Variants in SLC67A1 observed in about 807,000 individuals in gnomAD.
The protein encoded by SLC67A1 is solute carrier family 67 member 1.
chr11:2,918,234 G>C, the SLC67A1 span: 28 of 666,970 alleles, frequency 4.2e-5, no homozygotes, highest in East Asian at 7.8e-4. Context: ...GAGGAAGGCA[G>C]AAAAGTGTCT....
At chr11:2,909,616 G>C in the SLC67A1 span, 3 of 1,532,278 alleles carry the variant, frequency 2.0e-6, no homozygotes, top group East Asian at 5.0e-5. Flanking sequence ...GGCACCCGAG[G>C]AGCGGCCCGC....
At chr11:2,922,310 A>C in the SLC67A1 span, 2 of 1,510,010 alleles carry the variant, frequency 1.3e-6, no homozygotes, top group Admixed American at 1.8e-5. Flanking sequence ...CCAGCCCCCC[A>C]CACCCACCCG....
the SLC67A1 span, chr11:2,918,894 T>C: frequency 0.061 from 11,048 of 181,428 alleles, 505 homozygotes; most frequent in African/African-American, 0.11. Flanking sequence ...AGGGTCTCAC[T>C]ATCTTTTCCA....
At chr11:2,903,048 C>CG in the SLC67A1 span, 1 of 448,676 alleles carries the variant, frequency 2.2e-6, no homozygotes, top group African/African-American at 2.0e-5. Context: ...CTGCAGGGGT[C>CG]GGGGGGAGCA....
At chr11:2,924,167 A>C in the SLC67A1 span, among the ~76,000 whole-genome samples, 2 of 152,234 alleles carry the variant, frequency 1.3e-5, no homozygotes, top group Non-Finnish European at 2.9e-5. This position sits in a 1 kb window ranked among gnomAD's most constrained non-coding sequence, Gnocchi z 8.6. Context: ...GTGCCCGTCC[A>C]TGCTGCGGGT....
chr11:2,918,370 T>G, the SLC67A1 span, among the ~76,000 whole-genome samples: 1 of 152,246 alleles, frequency 6.6e-6, no homozygotes, highest in African/African-American at 2.4e-5. Flanking sequence ...CCTCATACCC[T>G]GTGGCCCCAC....
At chr11:2,919,391 T>C in the SLC67A1 span, 4 of 1,613,492 alleles carry the variant, frequency 2.5e-6, no homozygotes, top group Admixed American at 6.7e-5. Context: ...ATGTCCTTCT[T>C]CGGGCTCCTC....
chr11:2,923,542 G>A, the SLC67A1 span, among the ~76,000 whole-genome samples: 2 of 152,192 alleles, frequency 1.3e-5, no homozygotes, highest in East Asian at 1.9e-4. This position sits in a 1 kb window ranked among gnomAD's most constrained non-coding sequence, Gnocchi z 6.5. Context: ...GGATGTGGCC[G>A]GGCTGCAAAG....
the SLC67A1 span, chr11:2,909,500 CTTGTGGAGGGGCGGGTCAG>C: frequency 9.6e-7 from 1 of 1,044,946 alleles, no homozygotes; most frequent in African/African-American, 2.4e-5. Flanking sequence ...TGGGGCGTGG[CTTGTGGAGGGGCGGGTCAG>C]GGGGGGAAGG....
chr11:2,902,055 G>A, the SLC67A1 span: 1 of 152,282 alleles, frequency 6.6e-6, no homozygotes, highest in Admixed American at 6.5e-5. Flanking sequence ...CAGGATTCAA[G>A]CTGGAGGGGG....
the SLC67A1 span, chr11:2,921,880 GC>G: frequency 3.5e-6 from 2 of 578,974 alleles, no homozygotes; most frequent in Non-Finnish European, 6.2e-6. Context: ...GTGGAGAGGA[GC>G]CCCGACTCCT....
At chr11:2,919,323 G>C in the SLC67A1 span, 1 of 1,613,880 alleles carries the variant, frequency 6.2e-7, no homozygotes, top group Non-Finnish European at 8.5e-7. Flanking sequence ...TCATGGTCAT[G>C]TTCTCCATCA....
the SLC67A1 span, chr11:2,902,546 G>T: frequency 1.1e-5 from 11 of 984,722 alleles, no homozygotes; most frequent in Non-Finnish European, 1.3e-5. Context: ...GACCCTCAGG[G>T]GTCTCCCCGC....
the SLC67A1 span, among the ~76,000 whole-genome samples, chr11:2,911,459 C>T: frequency 1.3e-5 from 2 of 152,022 alleles, no homozygotes; most frequent in African/African-American, 4.8e-5. Flanking sequence ...TGTGGGGAGC[C>T]GGCACCACCC....
chr11:2,916,480 C>T, the SLC67A1 span: 3 of 662,798 alleles, frequency 4.5e-6, no homozygotes, highest in East Asian at 5.2e-5. Flanking sequence ...CCAGTCCCCA[C>T]TCTTTAGGCC....
At chr11:2,905,157 C>T in the SLC67A1 span, among the ~76,000 whole-genome samples, 2 of 152,196 alleles carry the variant, frequency 1.3e-5, no homozygotes, top group Admixed American at 1.3e-4. Flanking sequence ...CAAGGCAGTT[C>T]AGCACAGAGG....
At chr11:2,915,032 G>A in the SLC67A1 span, 53 of 985,320 alleles carry the variant, frequency 5.4e-5, no homozygotes, top group South Asian at 3.8e-4. Context: ...CGTCCTGGGC[G>A]GTGGGTGCTG....
At chr11:2,922,886 G>A in the SLC67A1 span, among the ~76,000 whole-genome samples, 3 of 152,164 alleles carry the variant, frequency 2.0e-5, no homozygotes, top group African/African-American at 4.8e-5. Flanking sequence ...TGGAGGCCCC[G>A]GGGACTTCTG....
chr11:2,912,849 C>T, the SLC67A1 span, among the ~76,000 whole-genome samples: 1 of 152,188 alleles, frequency 6.6e-6, no homozygotes, highest in Non-Finnish European at 1.5e-5. Flanking sequence ...GCAGGGAGCC[C>T]TGCAGGGTTT....
Sources: gnomAD v4.1 joint callset for allele counts (sites outside exome capture counted in the v4.1 genomes callset) on GRCh38, gnomAD v4.1.1 for gene constraint, Gnocchi (gnomAD v3.1) non-coding constraint, MANE v1.5 for transcripts, NCBI Gene and HGNC (gene_info 2026-07-23, HGNC 2026-07-21) for gene names.